PXDNL: variants seen among roughly 807,000 people sequenced by gnomAD.
The protein encoded by PXDNL is peroxidasin like.
A neutral mutation model predicts 150.8 loss-of-function variants in PXDNL; 145 were observed. The ratio of observed to expected loss-of-function variants is 0.96; its 90% CI spans 0.84 to 1.10. The LOEUF is 1.10. Ranked by LOEUF, PXDNL falls within the 50% of genes least tolerant of loss-of-function variation. The probability of loss-of-function intolerance (pLI) is 0.00; values close to 1 mark genes in which losing one functional copy is unlikely to be tolerated. For synonymous variants in PXDNL, 757 were observed against 725.7 expected (o/e 1.04, Z -0.69); for missense variants, 2,087 against 1,873.9 (o/e 1.11, Z -2.10).
chr8:51,672,170 C>G (rs2130830631), intron 1 of PXDNL, among the ~76,000 whole-genome samples: 1 of 152,180 alleles, frequency 6.6e-6, no homozygotes, highest in African/African-American at 2.4e-5. Flanking sequence ...TTAATACAGA[C>G]AGGTTTCACC....
At chr8:51,590,581 C>G (rs1451530907) in intron 3 of PXDNL, among the ~76,000 whole-genome samples, 3 of 152,198 alleles carry the variant, frequency 2.0e-5, no homozygotes, top group Non-Finnish European at 4.4e-5. Context: ...TTGTGGAAGT[C>G]TAAGGTTTAA....
chr8:51,737,612 C>T (rs990482067), intron 1 of PXDNL, among the ~76,000 whole-genome samples: 6 of 152,212 alleles, frequency 3.9e-5, no homozygotes, highest in Non-Finnish European at 2.9e-5. Flanking sequence ...CTCCTCTCAC[C>T]TGCATAACCA....
At chr8:51,386,730 T>A (rs571117665) in intron 17 of PXDNL, among the ~76,000 whole-genome samples, 39 of 151,632 alleles carry the variant, frequency 2.6e-4, no homozygotes, top group African/African-American at 8.5e-4. Flanking sequence ...GGCAGAAAAA[T>A]TGCTTGAACC....
In PXDNL at chr8:51,598,216, C is replaced by T. The variant is rs141691055; in HGVS notation, c.237-5518G>A. On this transcript the variant is annotated intron_variant, in intron 2 of 22. Transcript: ENST00000356297. The stretch of plus-strand genomic sequence containing the variant: ...TTTGACTTTTTTTCCTATTTTGATG[C>T]CTTTTATTTCTTTTTCTTGCCTGAT... Among the ~76,000 whole-genome samples, 712 of 152,004 alleles carry T rather than the reference C, an allele frequency of 4.7e-3. 10 individuals are homozygous for T. Among genetic ancestry groups the T allele is most frequent in the African/African-American group, 0.017 (690 of 41,476 alleles).
intron 19 of PXDNL, among the ~76,000 whole-genome samples, chr8:51,350,120 T>G (rs1241097751): frequency 6.6e-6 from 1 of 151,712 alleles, no homozygotes; most frequent in Non-Finnish European, 1.5e-5. Context: ...GCATAAAGTT[T>G]AATAGACAAA....
chr8:51,615,830 C>T (rs1247962777), intron 2 of PXDNL, among the ~76,000 whole-genome samples: 1 of 152,214 alleles, frequency 6.6e-6, no homozygotes. Context: ...CCTCTGCATA[C>T]ATTCCTTGCT....
chr8:51,333,152 T>C (rs1378053574), intron 21 of PXDNL, among the ~76,000 whole-genome samples: 2 of 152,190 alleles, frequency 1.3e-5, no homozygotes, highest in Non-Finnish European at 2.9e-5. Flanking sequence ...AGCAGAAACC[T>C]TACAGGCTAG....
intron 2 of PXDNL, among the ~76,000 whole-genome samples, chr8:51,647,788 G>T (rs576572738): frequency 6.6e-6 from 1 of 151,964 alleles, no homozygotes; most frequent in Admixed American, 6.6e-5. Flanking sequence ...TTAAATCACA[G>T]GTAAATGAAA....
intron 1 of PXDNL, among the ~76,000 whole-genome samples, chr8:51,671,776 T>C (rs1000373856): frequency 1.3e-5 from 2 of 152,150 alleles, no homozygotes; most frequent in Admixed American, 1.3e-4. Context: ...CCATCCTCAC[T>C]GACTTCATCA....
At chr8:51,555,904 G>A (rs1291258340) in intron 4 of PXDNL, among the ~76,000 whole-genome samples, 1 of 152,120 alleles carries the variant, frequency 6.6e-6, no homozygotes, top group Non-Finnish European at 1.5e-5. Flanking sequence ...AATTATGATG[G>A]TGAATCTGAG....
intron 1 of PXDNL, among the ~76,000 whole-genome samples, chr8:51,734,058 CTCACCTT>C (rs1816987532): frequency 1.3e-5 from 2 of 151,796 alleles, no homozygotes; most frequent in South Asian, 4.1e-4. Context: ...GAATGATGTT[CTCACCTT>C]ATCAGCAAAG....
At chr8:51,542,893 G>A (rs1338749944) in intron 4 of PXDNL, among the ~76,000 whole-genome samples, 3 of 151,926 alleles carry the variant, frequency 2.0e-5, no homozygotes, top group Non-Finnish European at 2.9e-5. Flanking sequence ...AATTAAGTTA[G>A]TGATACGTTA....
chr8:51,582,787 A>T (rs1355538261), intron 3 of PXDNL, among the ~76,000 whole-genome samples: 1 of 152,244 alleles, frequency 6.6e-6, no homozygotes, highest in South Asian at 2.1e-4. Flanking sequence ...AATTAGTCTT[A>T]TGTAACTAGA....
chr8:51,364,243 G>A (rs987604860), intron 19 of PXDNL, among the ~76,000 whole-genome samples: 2 of 152,210 alleles, frequency 1.3e-5, no homozygotes, highest in African/African-American at 4.8e-5. Flanking sequence ...TGAATTTTCT[G>A]AGAACAACAT....
At chr8:51,784,604 A>G (rs988513197) in intron 1 of PXDNL, among the ~76,000 whole-genome samples, 14 of 152,220 alleles carry the variant, frequency 9.2e-5, no homozygotes. Context: ...AATTGGATCA[A>G]CGTCGCATGG....
intron 2 of PXDNL, among the ~76,000 whole-genome samples, chr8:51,612,691 G>A (rs1337932588): frequency 6.6e-6 from 1 of 152,204 alleles, no homozygotes. Flanking sequence ...CACCATGGGA[G>A]GACACAGGGA....
chr8:51,338,473 T>C (rs1414973688), intron 21 of PXDNL, among the ~76,000 whole-genome samples: 1 of 152,234 alleles, frequency 6.6e-6, no homozygotes, highest in Non-Finnish European at 1.5e-5. Flanking sequence ...GAAGTTCAGA[T>C]GAGGATACTT....
chr8:51,637,448 C>G (rs1356990769), intron 2 of PXDNL, among the ~76,000 whole-genome samples: 1 of 152,100 alleles, frequency 6.6e-6, no homozygotes, highest in African/African-American at 2.4e-5. Flanking sequence ...AGCCAAAAAC[C>G]TTGAAAAAAG....
At position 51,563,475 on chromosome 8, in the gene PXDNL, C is replaced by A. The variant is rs531474415; in HGVS notation, c.309-6564G>T. Among the ~76,000 whole-genome samples, 353 of 152,078 alleles carry A rather than the reference C, an allele frequency of 2.3e-3. 1 individual carries two copies. The highest frequency in any genetic ancestry group is 8.1e-3 in the African/African-American group (335 of 41,538). On this transcript the variant is annotated intron_variant, in intron 3 of 22. Coordinates refer to ENST00000356297, the MANE Select transcript of PXDNL (RefSeq NM_144651.5). ...GGCTCCACCTCCAAATACCATCACA[C>A]TGGGTCTTAGGGCTTCAAGATAGGA...
Sources: allele counts gnomAD v4.1 joint callset (sites outside exome capture counted in the v4.1 genomes callset), GRCh38; gene constraint gnomAD v4.1.1; transcripts MANE v1.5; gene names NCBI Gene and HGNC (gene_info 2026-07-23, HGNC 2026-07-21).